Variants in SH3PXD2A observed in about 807,000 individuals in gnomAD.
The protein encoded by SH3PXD2A is SH3 and PX domain-containing protein 2A.
In SH3PXD2A, 32 loss-of-function variants were observed where a neutral mutation model predicts 115.2. The ratio of observed to expected loss-of-function variants is 0.28; its 90% CI spans 0.21 to 0.37. The LOEUF is 0.37. Ranked by LOEUF, SH3PXD2A falls within the 10% of genes least tolerant of loss-of-function variation. The pLI, the probability that SH3PXD2A is intolerant of heterozygous loss-of-function variation, is 1.00. For missense variants in SH3PXD2A, 1,328 were observed against 1,498.7 expected (o/e 0.89, Z 1.88); for synonymous variants, 610 against 629.1 (o/e 0.97, Z 0.45).
chr10:103,828,452 C>G (rs2039452508), intron 1 of SH3PXD2A, among the ~76,000 whole-genome samples: 1 of 152,188 alleles, frequency 6.6e-6, no homozygotes, highest in Non-Finnish European at 1.5e-5. Context: ...CCTGAGATAA[C>G]CCAACCTAAC....
Position 103,784,962 on chromosome 10 carries a change from C to T in SH3PXD2A, c.153+16320G>A, listed in dbSNP as rs924230858. Among the ~76,000 whole-genome samples the T allele has an allele frequency of 6.6e-6, 1 of 152,194 alleles. No individual in the cohort carries two copies. Among genetic ancestry groups the T allele is most frequent in the Non-Finnish European group, 1.5e-5 (1 of 68,032 alleles). ...GTCTGCAGGTCAGCTCGGGTTGCAT[C>T]TGTCTCCAGCCCCTCAGCCCCACTC... On this transcript the variant is annotated intron_variant, in intron 2 of 14. Coordinates refer to ENST00000369774, the MANE Select transcript of SH3PXD2A (RefSeq NM_001394015.1). This position sits in a 1 kb window ranked among gnomAD's most constrained non-coding sequence, Gnocchi z 4.4.
intron 5 of SH3PXD2A, among the ~76,000 whole-genome samples, chr10:103,721,542 T>C (rs980608153): frequency 5.9e-5 from 9 of 152,328 alleles, no homozygotes; most frequent in African/African-American, 2.2e-4. Context: ...GATCACAGGC[T>C]GGGTCAGCTG....
intron 2 of SH3PXD2A, among the ~76,000 whole-genome samples, chr10:103,777,628 G>T (rs751521564): frequency 1.3e-5 from 2 of 152,232 alleles, no homozygotes; most frequent in Non-Finnish European, 2.9e-5. Context: ...TCAAGCCACA[G>T]AAAGCCTCTC....
intron 1 of SH3PXD2A, among the ~76,000 whole-genome samples, chr10:103,821,741 A>AT (rs2039382673): frequency 6.6e-6 from 1 of 151,792 alleles, no homozygotes; most frequent in African/African-American, 2.4e-5. Context: ...AATTTTTTGT[A>AT]TTTTTTGTAG....
intron 6 of SH3PXD2A, among the ~76,000 whole-genome samples, chr10:103,686,816 C>T (rs1033637779): frequency 1.4e-5 from 2 of 147,872 alleles, no homozygotes; most frequent in African/African-American, 5.0e-5. Context: ...GGCATGATCT[C>T]GGCTCACTGC....
intron 2 of SH3PXD2A, among the ~76,000 whole-genome samples, chr10:103,796,081 C>T (rs1012394360): frequency 5.3e-5 from 8 of 151,934 alleles, no homozygotes; most frequent in African/African-American, 1.7e-4. Context: ...ATATGGGGGC[C>T]GGGTGTGGTG....
chr10:103,738,808 T>C (rs1421308388), intron 3 of SH3PXD2A, among the ~76,000 whole-genome samples: 4 of 151,894 alleles, frequency 2.6e-5, no homozygotes, highest in East Asian at 1.9e-4. Flanking sequence ...TTTTTTTTTT[T>C]CCCGAGACGG....
At chr10:103,852,659 C>T (rs1014242793) in intron 1 of SH3PXD2A, among the ~76,000 whole-genome samples, 14 of 152,160 alleles carry the variant, frequency 9.2e-5, no homozygotes, top group African/African-American at 2.9e-4. Context: ...TGGTATTCAC[C>T]GTGCAAGGGC....
At chr10:103,636,156 C>A (rs1465497263) in intron 8 of SH3PXD2A, among the ~76,000 whole-genome samples, 3 of 152,084 alleles carry the variant, frequency 2.0e-5, no homozygotes, top group Non-Finnish European at 4.4e-5. Flanking sequence ...GGCCTGTAAT[C>A]CCAGCACTTT....
At chr10:103,759,338 G>T (rs2038675567) in intron 3 of SH3PXD2A, among the ~76,000 whole-genome samples, 1 of 152,184 alleles carries the variant, frequency 6.6e-6, no homozygotes, top group Non-Finnish European at 1.5e-5. Flanking sequence ...CTGTCTGCAG[G>T]CTGGCAACGC....
intron 2 of SH3PXD2A, among the ~76,000 whole-genome samples, chr10:103,789,940 G>A (rs1022021529): frequency 2.6e-5 from 4 of 152,160 alleles, no homozygotes; most frequent in South Asian, 2.1e-4. Flanking sequence ...GGCAGGTGAC[G>A]GTGTGCAGGA....
chr10:103,697,936 G>T (rs2037844165), intron 5 of SH3PXD2A, among the ~76,000 whole-genome samples: 1 of 152,188 alleles, frequency 6.6e-6, no homozygotes, highest in East Asian at 1.9e-4. Flanking sequence ...GTGTTCTGAA[G>T]TAGGCAGAGC....
chr10:103,654,370 G>A (rs2037177463), intron 8 of SH3PXD2A, among the ~76,000 whole-genome samples: 1 of 152,070 alleles, frequency 6.6e-6, no homozygotes, highest in Admixed American at 6.6e-5. Context: ...AGACCCTCAG[G>A]AGTGACAGTC....
At chr10:103,658,904 G>A (rs900764164) in intron 8 of SH3PXD2A, among the ~76,000 whole-genome samples, 1 of 152,226 alleles carries the variant, frequency 6.6e-6, no homozygotes, top group East Asian at 1.9e-4. Flanking sequence ...GCCCAGAGAA[G>A]TTAAGGGACA....
chr10:103,850,303 G>A (rs1490175625), intron 1 of SH3PXD2A, among the ~76,000 whole-genome samples: 1 of 152,132 alleles, frequency 6.6e-6, no homozygotes, highest in African/African-American at 2.4e-5. Flanking sequence ...CCCTCACTCA[G>A]CTCAACACAG....
chr10:103,795,957 A>AGG lies in SH3PXD2A; in HGVS notation c.153+5324_153+5325insCC, dbSNP rs1283941492. Among the ~76,000 whole-genome samples the AGG allele has an allele frequency of 9.0e-3, 1,370 of 151,678 alleles. 26 individuals are homozygous for AGG. Among genetic ancestry groups the AGG allele is most frequent in the African/African-American group, 0.032 (1,314 of 41,306 alleles). ...CAGGAAGGAAGGAAGGAAGGAAGGA[A>AGG]ACCAGAGACATATTTTACCCTGATA... On this transcript the variant is annotated intron_variant, in intron 2 of 14. Transcript: ENST00000369774.
In SH3PXD2A at chr10:103,847,486, G is replaced by A. The variant is rs372318899; in HGVS notation, c.72+7709C>T. On this transcript the variant is annotated intron_variant, in intron 1 of 14. Coordinates refer to ENST00000369774, the MANE Select transcript of SH3PXD2A (RefSeq NM_001394015.1). Reference sequence around the variant, plus strand: ...ATGCCTCCACACCTGGCTTATTCTGGCTTATTTTTTAATTTTTTTGTAGAG... The same window carrying A: ...ATGCCTCCACACCTGGCTTATTCTGACTTATTTTTTAATTTTTTTGTAGAG... Among the ~76,000 whole-genome samples, 13 of 152,104 alleles carry A rather than the reference G, an allele frequency of 8.5e-5. No homozygotes were observed. In the East Asian group the frequency reaches 2.5e-3, roughly 29 times the overall value.
At chr10:103,639,318 T>C (rs1211673857) in intron 8 of SH3PXD2A, among the ~76,000 whole-genome samples, 1 of 151,924 alleles carries the variant, frequency 6.6e-6, no homozygotes, top group African/African-American at 2.4e-5. Flanking sequence ...CAGATGAAAA[T>C]GAGGCATTCA....
chr10:103,702,007 T>A (rs1338483361), intron 5 of SH3PXD2A, among the ~76,000 whole-genome samples: 2 of 137,614 alleles, frequency 1.5e-5, no homozygotes, highest in Admixed American at 1.4e-4. Flanking sequence ...TCCATCCATC[T>A]ATCCATCCAC....
Sources: allele counts gnomAD v4.1 joint callset (sites outside exome capture counted in the v4.1 genomes callset), GRCh38; gene constraint gnomAD v4.1.1; non-coding constraint Gnocchi (gnomAD v3.1); transcripts MANE v1.5; gene names NCBI Gene and HGNC (gene_info 2026-07-23, HGNC 2026-07-21).